STK4: variants seen among roughly 807,000 people sequenced by gnomAD.
STK4 encodes the protein serine/threonine kinase 4.
In STK4, 30 loss-of-function variants were observed where a neutral mutation model predicts 64.9. That is an observed-to-expected ratio of 0.46 (90% CI 0.35 to 0.63). The LOEUF is 0.63. Among genes scored for constraint, STK4 ranks in the 20% least tolerant of loss-of-function variants. The pLI is 0.01. For missense variants in STK4, 466 were observed against 598.5 expected (o/e 0.78, Z 2.31); for synonymous variants, 177 against 199.0 (o/e 0.89, Z 0.93).
At chr20:45,064,823 G>A (rs1476036483) in intron 10 of STK4, among the ~76,000 whole-genome samples, 1 of 152,172 alleles carries the variant, frequency 6.6e-6, no homozygotes, top group Non-Finnish European at 1.5e-5. Context: ...CTTTGCTGAA[G>A]TGGTTTATCA....
intron 2 of STK4, chr20:44,974,856 A>C (rs1342330316): frequency 1.3e-5 from 2 of 152,200 alleles, no homozygotes; most frequent in African/African-American, 4.8e-5. Flanking sequence ...GGCTAAAAAA[A>C]CTGTTGGATT....
At chr20:45,024,110 C>T (rs2068300779) in intron 9 of STK4, among the ~76,000 whole-genome samples, 1 of 151,876 alleles carries the variant, frequency 6.6e-6, no homozygotes. Context: ...TCGTATTAGC[C>T]AGGATGGTCT....
intron 10 of STK4, among the ~76,000 whole-genome samples, chr20:45,046,642 C>G (rs891018185): frequency 1.3e-5 from 2 of 150,982 alleles, no homozygotes; most frequent in South Asian, 2.1e-4. Flanking sequence ...TCAGTATGGG[C>G]TTTTCTGCTA....
chr20:45,052,408 A>T (rs373811590), intron 10 of STK4, among the ~76,000 whole-genome samples: 3 of 152,276 alleles, frequency 2.0e-5, no homozygotes, highest in African/African-American at 4.8e-5. Context: ...AACATATCTT[A>T]AACATTTTCT....
intron 10 of STK4, among the ~76,000 whole-genome samples, chr20:45,068,587 G>A (rs144343831): frequency 5.3e-5 from 8 of 152,306 alleles, no homozygotes; most frequent in African/African-American, 1.9e-4. Flanking sequence ...TCTAATATCA[G>A]CTAAATTCAT....
chr20:45,047,080 C>A (rs754438558), intron 10 of STK4, among the ~76,000 whole-genome samples: 45 of 152,170 alleles, frequency 3.0e-4, no homozygotes, highest in Non-Finnish European at 6.0e-4. Flanking sequence ...TATTGGCAGA[C>A]ACACTTGGTC....
rs142027582 is a variant in STK4, at chr20:44,971,082, T to TACACACACAC, written c.36-962_36-953dup. Among the ~76,000 whole-genome samples, 177 of 136,506 alleles carry TACACACACAC rather than the reference T, an allele frequency of 1.3e-3. 1 individual carries two copies. The highest frequency in any genetic ancestry group is 4.8e-3 in the Admixed American group (64 of 13,384). The allele number at this position is 136,506 out of a possible 152,430, so 89.6% of individuals were successfully genotyped here. On this transcript the variant is annotated intron_variant, in intron 1 of 10. Transcript: ENST00000372806. ...AGTTTCAGGAAGCCATTGTGTAGAC[T>TACACACACAC]ACACACACACACACACACACACACA...
chr20:44,975,983 T>G (rs1337995942), intron 2 of STK4, among the ~76,000 whole-genome samples: 1 of 152,136 alleles, frequency 6.6e-6, no homozygotes, highest in African/African-American at 2.4e-5. Flanking sequence ...GAAAAAGAAA[T>G]AATGAAGCAA....
intron 10 of STK4, among the ~76,000 whole-genome samples, chr20:45,067,180 T>C (rs1201965431): frequency 6.6e-6 from 1 of 152,150 alleles, no homozygotes; most frequent in Non-Finnish European, 1.5e-5. Context: ...GGTATGATGG[T>C]GGCTTCATTC....
intron 4 of STK4, among the ~76,000 whole-genome samples, chr20:44,982,275 C>G (rs1330168059): frequency 6.6e-6 from 1 of 151,736 alleles, no homozygotes; most frequent in South Asian, 2.1e-4. Context: ...TACCACCATG[C>G]CCAGCTAATG....
At chr20:44,999,360 G>A (rs1307066552) in intron 7 of STK4, among the ~76,000 whole-genome samples, 2 of 152,300 alleles carry the variant, frequency 1.3e-5, no homozygotes, top group East Asian at 3.9e-4. Flanking sequence ...TGTATCTCCT[G>A]TGTTGCATTC....
chr20:45,011,997 CAG>C (rs2068059808), intron 9 of STK4, among the ~76,000 whole-genome samples: 1 of 151,362 alleles, frequency 6.6e-6, no homozygotes, highest in African/African-American at 2.4e-5. Context: ...CTTTTCATCA[CAG>C]ATTACTTCTT....
chr20:45,067,287 C>T (rs191795254), intron 10 of STK4, among the ~76,000 whole-genome samples: 5 of 152,234 alleles, frequency 3.3e-5, no homozygotes, highest in East Asian at 1.9e-4. Context: ...TCACCTGAGA[C>T]GGGATCAGTC....
intron 9 of STK4, among the ~76,000 whole-genome samples, chr20:45,023,238 A>T (rs1416079022): frequency 6.6e-6 from 1 of 152,214 alleles, no homozygotes; most frequent in Non-Finnish European, 1.5e-5. Flanking sequence ...GTGAGGAGAA[A>T]ACAGTGTAGT....
intron 9 of STK4, among the ~76,000 whole-genome samples, chr20:45,015,542 GTT>G (rs1275061618): frequency 6.6e-6 from 1 of 152,150 alleles, no homozygotes; most frequent in Non-Finnish European, 1.5e-5. Flanking sequence ...TCACATGAGA[GTT>G]TCAGACAGCA....
At chr20:45,055,645 G>T (rs1458164294) in intron 10 of STK4, among the ~76,000 whole-genome samples, 2 of 150,380 alleles carry the variant, frequency 1.3e-5, no homozygotes, top group African/African-American at 4.9e-5. Flanking sequence ...CTTTCTATGG[G>T]TTTATTTCTC....
At chr20:45,003,422 A>T (rs2067876585) in intron 9 of STK4, among the ~76,000 whole-genome samples, 1 of 152,168 alleles carries the variant, frequency 6.6e-6, no homozygotes, top group Non-Finnish European at 1.5e-5. Context: ...AAATTAAATT[A>T]TTACTAAACT....
chr20:45,054,023 G>A (rs912460470), intron 10 of STK4, among the ~76,000 whole-genome samples: 1 of 151,658 alleles, frequency 6.6e-6, no homozygotes, highest in Non-Finnish European at 1.5e-5. Context: ...TTTCCGTTTT[G>A]CAGATAGAGA....
At chr20:45,001,110 GA>G (rs2145697027) in intron 8 of STK4, 56 bp from the exon 9 acceptor site, 1 of 1,544,350 alleles carries the variant, frequency 6.5e-7, no homozygotes, top group Non-Finnish European at 8.8e-7. Flanking sequence ...TAGTTATTCA[GA>G]AAACTCAAAG....
Sources: allele counts gnomAD v4.1 joint callset (sites outside exome capture counted in the v4.1 genomes callset), GRCh38; gene constraint gnomAD v4.1.1; transcripts MANE v1.5; gene names NCBI Gene and HGNC (gene_info 2026-07-23, HGNC 2026-07-21).